MYO3B: variants seen among roughly 807,000 people sequenced by gnomAD.
The protein encoded by MYO3B is myosin IIIB.
MYO3B carries 156 observed loss-of-function variants against 174.6 expected under a neutral mutation model. The ratio of observed to expected loss-of-function variants is 0.89; its 90% CI spans 0.78 to 1.02. The LOEUF (loss-of-function observed/expected upper bound fraction) is 1.02. Ranked by LOEUF, MYO3B falls within the 50% of genes least tolerant of loss-of-function variation. The pLI, the probability that MYO3B is intolerant of heterozygous loss-of-function variation, is 0.00. For missense variants in MYO3B, 1,632 were observed against 1,639.4 expected (o/e 1.00, Z 0.08); for synonymous variants, 563 against 569.1 (o/e 0.99, Z 0.15).
chr2:170,317,954 G>A (rs1375537503), intron 7 of MYO3B, among the ~76,000 whole-genome samples: 1 of 152,150 alleles, frequency 6.6e-6, no homozygotes, highest in Admixed American at 6.5e-5. Flanking sequence ...AACTCAGTGA[G>A]TTGAAAGCAA....
At chr2:170,354,315 C>T (rs187441799) in intron 8 of MYO3B, among the ~76,000 whole-genome samples, 1 of 152,242 alleles carries the variant, frequency 6.6e-6, no homozygotes, top group Non-Finnish European at 1.5e-5. Flanking sequence ...AGCACAGTGG[C>T]CTGTCTAGAG....
intron 7 of MYO3B, among the ~76,000 whole-genome samples, chr2:170,277,941 T>C (rs1302551982): frequency 6.6e-6 from 1 of 152,230 alleles, no homozygotes; most frequent in Non-Finnish European, 1.5e-5. Context: ...TTAACTTTTC[T>C]ATATATCAGC....
At chr2:170,189,960 T>C (rs984796052) in intron 1 of MYO3B, among the ~76,000 whole-genome samples, 1 of 152,198 alleles carries the variant, frequency 6.6e-6, no homozygotes, top group African/African-American at 2.4e-5. Context: ...TGGGCTTGTT[T>C]GTACTTGTCT....
intron 32 of MYO3B, chr2:170,601,662 G>A (rs2106343553): frequency 7.1e-7 from 1 of 1,405,684 alleles, no homozygotes; most frequent in East Asian, 2.3e-5. Context: ...TTCATCTTCT[G>A]TCCTCCTCTT....
chr2:170,190,288 G>T (rs2092524213), intron 1 of MYO3B, among the ~76,000 whole-genome samples: 1 of 152,172 alleles, frequency 6.6e-6, no homozygotes, highest in African/African-American at 2.4e-5. Flanking sequence ...GAGACTATGT[G>T]GAGTCAGACC....
chr2:170,559,665 T>C (rs901218504), intron 32 of MYO3B, among the ~76,000 whole-genome samples: 9 of 152,156 alleles, frequency 5.9e-5, no homozygotes, highest in Non-Finnish European at 1.2e-4. Flanking sequence ...ATAAACTGGA[T>C]ATTAAATGAG....
chr2:170,254,334 A>G (rs2093284224), intron 7 of MYO3B, among the ~76,000 whole-genome samples: 1 of 152,080 alleles, frequency 6.6e-6, no homozygotes, highest in Admixed American at 6.6e-5. Flanking sequence ...AACACCGTAG[A>G]CGCCCACCCG....
In MYO3B at chr2:170,237,724, C is replaced by T. The variant is rs76782575; in HGVS notation, c.749+1588C>T. On this transcript the variant is annotated intron_variant, in intron 7 of 34. Coordinates refer to ENST00000408978, the MANE Select transcript of MYO3B (RefSeq NM_138995.5). ...GTAACTAAGTCTCTACTGCCTGCCT[C>T]GGGACAGAGTGGATCCCAAGAATTG... 3.1e-3 allele frequency among the ~76,000 whole-genome samples: 478 copies of T among 152,286 alleles called. 3 individuals carry two copies. The highest frequency in any genetic ancestry group is 0.011 in the African/African-American group (447 of 41,560).
intron 1 of MYO3B, among the ~76,000 whole-genome samples, chr2:170,198,291 T>C (rs894918962): frequency 3.3e-5 from 5 of 152,186 alleles, no homozygotes; most frequent in African/African-American, 1.2e-4. Flanking sequence ...AGTTAATGCG[T>C]ATTTCTCTCT....
At chr2:170,530,607 C>T (rs1382386156) in intron 30 of MYO3B, among the ~76,000 whole-genome samples, 2 of 152,156 alleles carry the variant, frequency 1.3e-5, no homozygotes, top group South Asian at 4.1e-4. Flanking sequence ...GTTGAGGCAT[C>T]GTCTTTGCTT....
In MYO3B at chr2:170,652,985, A is replaced by AAATC; in HGVS notation, c.3893_3896dup (p.Lys1299AsnfsTer5). 3 of 1,613,530 alleles carry AAATC rather than the reference A, an allele frequency of 1.9e-6. No individual in the cohort carries two copies. Among genetic ancestry groups the AAATC allele is most frequent in the Non-Finnish European group, 2.5e-6 (3 of 1,179,826 alleles). On this transcript the variant is annotated frameshift_variant, in exon 35 of 35. Transcript: ENST00000408978. LOFTEE classifies it high-confidence loss of function. ...TCCTGTTGTTTTCTTTGTTGCAGCC[A>AAATC]AATCAAAGTACTTGATGGGGAAGAT...
intron 9 of MYO3B, among the ~76,000 whole-genome samples, chr2:170,375,513 T>G (rs1193135770): frequency 5.1e-4 from 21 of 41,426 alleles, no homozygotes; most frequent in Admixed American, 2.1e-3. Context: ...GTTGCTGGGT[T>G]TTTTTTTTTT....
At chr2:170,627,234 G>A (rs1696525245) in intron 32 of MYO3B, among the ~76,000 whole-genome samples, 2 of 152,208 alleles carry the variant, frequency 1.3e-5, no homozygotes, top group South Asian at 2.1e-4. Context: ...CTATTTCTTG[G>A]AGGCTTTGTT....
chr2:170,515,624 A>G (rs1175975159), intron 29 of MYO3B, among the ~76,000 whole-genome samples: 2 of 151,948 alleles, frequency 1.3e-5, no homozygotes, highest in South Asian at 4.2e-4. Context: ...CACCCTTTTG[A>G]ATTTTGAAGG....
At chr2:170,304,095 T>C (rs1448038548) in intron 7 of MYO3B, among the ~76,000 whole-genome samples, 1 of 152,202 alleles carries the variant, frequency 6.6e-6, no homozygotes, top group Non-Finnish European at 1.5e-5. Flanking sequence ...TATCATTCTG[T>C]GTATATTTGT....
At chr2:170,213,869 T>C (rs1574590053) in intron 3 of MYO3B, among the ~76,000 whole-genome samples, 1 of 152,216 alleles carries the variant, frequency 6.6e-6, no homozygotes, top group East Asian at 1.9e-4. Context: ...GAAGAACTGC[T>C]GGTTGGGCTT....
At chr2:170,649,230 AAAT>A (rs1698740725) in intron 32 of MYO3B, among the ~76,000 whole-genome samples, 1 of 27,382 alleles carries the variant, frequency 3.7e-5, no homozygotes, top group Admixed American at 7.7e-4. Flanking sequence ...ATTATATATA[AAAT>A]AATATATATT....
intron 7 of MYO3B, among the ~76,000 whole-genome samples, chr2:170,294,864 C>G (rs1157374793): frequency 6.6e-6 from 1 of 151,980 alleles, no homozygotes; most frequent in Non-Finnish European, 1.5e-5. Flanking sequence ...TGGGGGAAGG[C>G]TATGCACATA....
chr2:170,331,924 T>C (rs558064386), intron 7 of MYO3B, among the ~76,000 whole-genome samples: 1 of 152,308 alleles, frequency 6.6e-6, no homozygotes, highest in Non-Finnish European at 1.5e-5. Flanking sequence ...TGCCTCCCTC[T>C]TCCACTTTAA....
Sources: allele counts gnomAD v4.1 joint callset (sites outside exome capture counted in the v4.1 genomes callset), GRCh38; gene constraint gnomAD v4.1.1; transcripts MANE v1.5; gene names NCBI Gene and HGNC (gene_info 2026-07-23, HGNC 2026-07-21).